The following SYT1 variants were observed in gnomAD, a reference collection of about 807,000 sequenced individuals.
The protein encoded by SYT1 is synaptotagmin 1.
In SYT1, 8 loss-of-function variants were observed where a neutral mutation model predicts 44.8. The observed-to-expected ratio is 0.18, with a 90% confidence interval of 0.10 to 0.32. SYT1 has a LOEUF of 0.32. Ranked by LOEUF, SYT1 falls within the 10% of genes least tolerant of loss-of-function variation. The probability of loss-of-function intolerance (pLI) is 1.00; values close to 1 mark genes in which losing one functional copy is unlikely to be tolerated. For synonymous variants in SYT1, 154 were observed against 188.8 expected, an observed-to-expected ratio of 0.82 and a Z score of 1.51; for missense variants, 286 against 509.3, an observed-to-expected ratio of 0.56 and a Z score of 4.22.
rs1565842178 is a variant in SYT1 at position 79,179,431 on chromosome 12, G to GATATAGATATATCTAT, written c.-17-38067_-17-38066insGATATATCTATATATA. 5.8e-3 allele frequency among the ~76,000 whole-genome samples: 42 copies of GATATAGATATATCTAT among 7,188 alleles called. 1 individual carries two copies. Among genetic ancestry groups the GATATAGATATATCTAT allele is most frequent in the African/African-American group, 0.012 (21 of 1,812 alleles). 4.7% of individuals were successfully genotyped at this position (7,188 alleles called of 152,430 possible). A position where few individuals can be genotyped will look rare whatever the true frequency, so the allele number is the denominator to read the frequency against. On this transcript the variant is annotated intron_variant, in intron 3 of 10. Coordinates refer to ENST00000261205, the MANE Select transcript of SYT1 (RefSeq NM_005639.3). ...ATATAGATATAGATATATCTATATA[G>GATATAGATATATCTAT]ATATATCCATATAGATATAGATATA...
chr12:79,440,649 A>C (rs1221739233), intron 9 of SYT1, among the ~76,000 whole-genome samples: 1 of 152,194 alleles, frequency 6.6e-6, no homozygotes, highest in South Asian at 2.1e-4. Context: ...GTGTTTTATT[A>C]TGCAATCACA....
chr12:78,885,295 G>A, intron 1 of SYT1, among the ~76,000 whole-genome samples: 1 of 144,598 alleles, frequency 6.9e-6, no homozygotes, highest in Non-Finnish European at 1.5e-5. Flanking sequence ...GAAGGAAGGA[G>A]AGAAGAAAGG....
At chr12:78,890,185 A>C (rs1327717112) in intron 1 of SYT1, among the ~76,000 whole-genome samples, 1 of 152,102 alleles carries the variant, frequency 6.6e-6, no homozygotes, top group East Asian at 1.9e-4. Context: ...CCTTGAAAGC[A>C]TTTCACTTTT....
In SYT1 at chr12:79,061,739, T is replaced by A. The variant is rs138425543; in HGVS notation, c.-18+14377T>A. Among the ~76,000 whole-genome samples, 1,197 of 152,274 alleles carry A rather than the reference T, an allele frequency of 7.9e-3. 20 individuals carry two copies. The highest frequency in any genetic ancestry group is 0.027 in the African/African-American group (1,129 of 41,584). On this transcript the variant is annotated intron_variant, in intron 3 of 10. Coordinates refer to ENST00000261205, the MANE Select transcript of SYT1 (RefSeq NM_005639.3). ...CATTCCATCTTGGCCTTACATGACT[T>A]CCTTCCATGCTGGTTTTCCATTTTA...
At chr12:79,330,787 T>A (rs11834669) in intron 8 of SYT1, among the ~76,000 whole-genome samples, 16,912 of 152,162 alleles carry the variant, frequency 0.11, 1,393 homozygotes, top group African/African-American at 0.23. Context: ...TATTATCATT[T>A]GGATTTTCCT....
intron 1 of SYT1, among the ~76,000 whole-genome samples, chr12:78,914,961 C>T (rs1876563542): frequency 6.6e-6 from 1 of 152,020 alleles, no homozygotes; most frequent in African/African-American, 2.4e-5. Flanking sequence ...GTGATGACTT[C>T]TCACAGGTGG....
chr12:79,225,762 C>G (rs1313266185), intron 4 of SYT1, among the ~76,000 whole-genome samples: 1 of 152,116 alleles, frequency 6.6e-6, no homozygotes. Flanking sequence ...GAAATGCTCC[C>G]CATATACGAG....
chr12:78,911,965 T>C (rs1291617184), intron 1 of SYT1, among the ~76,000 whole-genome samples: 1 of 152,020 alleles, frequency 6.6e-6, no homozygotes, highest in African/African-American at 2.4e-5. Context: ...TCATAAAGTC[T>C]TCTACAAGGC....
intron 1 of SYT1, among the ~76,000 whole-genome samples, chr12:78,905,755 A>G (rs1297198759): frequency 6.6e-6 from 1 of 152,062 alleles, no homozygotes; most frequent in African/African-American, 2.4e-5. Flanking sequence ...AAAAGTAAAG[A>G]TAGAGTTTTT....
intron 2 of SYT1, among the ~76,000 whole-genome samples, chr12:79,033,305 A>G (rs1014821501): frequency 8.6e-5 from 13 of 151,358 alleles, no homozygotes; most frequent in African/African-American, 1.9e-4. Flanking sequence ...ATCTCTAACC[A>G]TAGTGCACCC....
At chr12:79,299,630 A>G in intron 8 of SYT1, 79 bp downstream of exon 8, 1 of 1,521,862 alleles carries the variant, frequency 6.6e-7, no homozygotes, top group Non-Finnish European at 8.8e-7. Flanking sequence ...ATTGAGAAAT[A>G]CTCTTTACAA....
At chr12:79,381,567 TGTACTACTTTTA>T in intron 9 of SYT1, among the ~76,000 whole-genome samples, 1 of 152,232 alleles carries the variant, frequency 6.6e-6, no homozygotes, top group East Asian at 1.9e-4. Flanking sequence ...AAGCCCTGAA[TGTACTACTTTTA>T]CCTGTAGAGA....
intron 4 of SYT1, among the ~76,000 whole-genome samples, chr12:79,225,915 T>C (rs1875489975): frequency 6.6e-6 from 1 of 152,206 alleles, no homozygotes; most frequent in Non-Finnish European, 1.5e-5. Context: ...TTTCCCACCA[T>C]ATTACTTAGC....
intron 4 of SYT1, among the ~76,000 whole-genome samples, chr12:79,268,343 A>G (rs1187414865): frequency 2.6e-5 from 4 of 152,220 alleles, no homozygotes; most frequent in African/African-American, 9.6e-5. Flanking sequence ...TGCCGTGACT[A>G]TATAGCAGAA....
intron 1 of SYT1, among the ~76,000 whole-genome samples, chr12:78,883,186 G>A (rs925171191): frequency 6.6e-6 from 1 of 151,612 alleles, no homozygotes; most frequent in African/African-American, 2.4e-5. Flanking sequence ...AACAATTGAT[G>A]TTTATTGACA....
intron 1 of SYT1, among the ~76,000 whole-genome samples, chr12:78,944,700 G>A (rs1380541691): frequency 6.6e-6 from 1 of 151,988 alleles, no homozygotes; most frequent in Non-Finnish European, 1.5e-5. Context: ...ATTCAAAACA[G>A]AAATATGCCT....
At chr12:79,103,354 A>G (rs1810229353) in intron 3 of SYT1, among the ~76,000 whole-genome samples, 2 of 152,244 alleles carry the variant, frequency 1.3e-5, no homozygotes, top group Admixed American at 1.3e-4. Context: ...GTGAAAGAGG[A>G]ATGAAAATAG....
At chr12:79,032,019 T>C (rs1380043850) in intron 2 of SYT1, among the ~76,000 whole-genome samples, 7 of 151,064 alleles carry the variant, frequency 4.6e-5, no homozygotes, top group Non-Finnish European at 1.0e-4. Flanking sequence ...CCTGTAGAAA[T>C]CAAGTAACTT....
chr12:79,185,857 T>C (rs1186071706), intron 3 of SYT1, among the ~76,000 whole-genome samples: 4 of 122,846 alleles, frequency 3.3e-5, no homozygotes, highest in Non-Finnish European at 6.9e-5. Flanking sequence ...AAATGAGAGA[T>C]ACTCTCCATT....
Sources: gnomAD v4.1 joint callset for allele counts (sites outside exome capture counted in the v4.1 genomes callset) on GRCh38, gnomAD v4.1.1 for gene constraint, MANE v1.5 for transcripts, NCBI Gene and HGNC (gene_info 2026-07-23, HGNC 2026-07-21) for gene names.